Variants in NCAM1 observed in about 807,000 individuals in gnomAD.
NCAM1 encodes antigen recognized by monoclonal antibody 5.1H11.
A neutral mutation model predicts 109.8 loss-of-function variants in NCAM1; 14 were observed. The ratio of observed to expected loss-of-function variants is 0.13; its 90% CI spans 0.08 to 0.20. The LOEUF (loss-of-function observed/expected upper bound fraction) is 0.20, where lower values mean the gene tolerates loss of function less well. Among genes scored for constraint, NCAM1 ranks in the 10% least tolerant of loss-of-function variants. The pLI is 1.00. For missense variants in NCAM1, 774 were observed against 1,109.9 expected (o/e 0.70, Z 4.30); for synonymous variants, 418 against 442.9 (o/e 0.94, Z 0.70).
chr11:113,015,267 G>T (rs1952178979), intron 1 of NCAM1, among the ~76,000 whole-genome samples: 1 of 152,214 alleles, frequency 6.6e-6, no homozygotes, highest in African/African-American at 2.4e-5. Context: ...CCTGGTCCAG[G>T]TGGCAGTAGC....
intron 1 of NCAM1, among the ~76,000 whole-genome samples, chr11:113,023,788 A>G (rs1555076681): frequency 6.6e-6 from 1 of 152,180 alleles, no homozygotes; most frequent in Non-Finnish European, 1.5e-5. Flanking sequence ...ATAGGAGGAC[A>G]TTCTTTTAAA....
At chr11:113,123,150 G>A (rs561987707) in intron 1 of NCAM1, among the ~76,000 whole-genome samples, 1 of 152,174 alleles carries the variant, frequency 6.6e-6, no homozygotes, top group South Asian at 2.1e-4. Context: ...GTTAGTTTTG[G>A]GTAGCACAGT....
chr11:112,975,084 C>T (rs1555067448), intron 1 of NCAM1, among the ~76,000 whole-genome samples: 1 of 151,906 alleles, frequency 6.6e-6, no homozygotes, highest in African/African-American at 2.4e-5. Context: ...AAGGCAAAAA[C>T]CCGAACAGAG....
intron 3 of NCAM1, 116 bp from the exon 4 acceptor site, chr11:113,205,407 T>G: frequency 2.2e-6 from 3 of 1,346,004 alleles, no homozygotes; most frequent in Non-Finnish European, 3.0e-6. Flanking sequence ...CTTATACAAC[T>G]GTACATCAGG....
intron 1 of NCAM1, among the ~76,000 whole-genome samples, chr11:113,116,078 T>G (rs1940693373): frequency 6.6e-6 from 1 of 152,160 alleles, no homozygotes; most frequent in African/African-American, 2.4e-5. Context: ...CAGAAATAGA[T>G]TATGCAAAAA....
intron 1 of NCAM1, among the ~76,000 whole-genome samples, chr11:113,057,235 G>C (rs2574829): frequency 0.53 from 80,581 of 151,860 alleles, 22,139 homozygotes; most frequent in Middle Eastern, 0.58. Flanking sequence ...AACCAGGTGA[G>C]GTGTGAGAGG....
intron 17 of NCAM1, chr11:113,264,307 C>A (rs1946087964): frequency 1.0e-6 from 1 of 985,244 alleles, no homozygotes; most frequent in African/African-American, 1.7e-5. Flanking sequence ...CCAAATGATC[C>A]CATGCTGTGG....
intron 1 of NCAM1, among the ~76,000 whole-genome samples, chr11:112,978,854 T>C (rs1317007588): frequency 6.6e-6 from 1 of 151,878 alleles, no homozygotes; most frequent in Non-Finnish European, 1.5e-5. Context: ...ACAAAGCTTA[T>C]TGTTTTAAAT....
At chr11:113,185,079 T>TATATATATATAGAGAGAGAGAGAGAGAG in intron 1 of NCAM1, among the ~76,000 whole-genome samples, 8 of 125,756 alleles carry the variant, frequency 6.4e-5, no homozygotes, top group Admixed American at 4.7e-4. Context: ...TATATATATA[T>TATATATATATAGAGAGAGAGAGAGAGAG]AGAGAGAGAG....
rs2134412232 is a variant in NCAM1 at position 112,962,391 on chromosome 11, G to A, written c.52+727G>A. On this transcript the variant is annotated intron_variant, in intron 1 of 19. Transcript: ENST00000316851. This position sits in a 1 kb window ranked among gnomAD's most constrained non-coding sequence, Gnocchi z 5.6. The stretch of plus-strand genomic sequence containing the variant: ...GAGCGCCGCGTTTTGACAGGAGGAA[G>A]TGCGGAGGGGCGGAGGGCGAGGAGG... 2.0e-5 allele frequency among the ~76,000 whole-genome samples: 3 copies of A among 152,270 alleles called. No homozygotes were observed. The Middle Eastern group carries it at 0.01, about 518-fold the overall frequency.
intron 1 of NCAM1, among the ~76,000 whole-genome samples, chr11:113,020,305 G>A (rs1335863878): frequency 1.3e-5 from 2 of 152,142 alleles, no homozygotes; most frequent in African/African-American, 4.8e-5. Flanking sequence ...GGCTGGGTGA[G>A]GGTGCTGGGT....
intron 17 of NCAM1, among the ~76,000 whole-genome samples, chr11:113,262,125 T>C (rs1044321668): frequency 6.6e-6 from 1 of 152,204 alleles, no homozygotes; most frequent in Non-Finnish European, 1.5e-5. Context: ...ATAAAACCTC[T>C]CTGAATTACA....
intron 1 of NCAM1, among the ~76,000 whole-genome samples, chr11:113,121,172 T>C (rs1243013699): frequency 4.0e-5 from 6 of 150,492 alleles, no homozygotes; most frequent in Non-Finnish European, 8.8e-5. Flanking sequence ...TAGTTCAGCA[T>C]GTTAAAGTGC....
At chr11:113,235,186 C>A (rs1413932380) in intron 14 of NCAM1, 22 bp downstream of exon 14, 1 of 1,613,820 alleles carries the variant, frequency 6.2e-7, no homozygotes, top group Non-Finnish European at 8.5e-7. Flanking sequence ...CAGCTGCCCC[C>A]CTTTTCCCAG....
chr11:113,110,207 AT>A (rs35220749), intron 1 of NCAM1, among the ~76,000 whole-genome samples: 33,213 of 152,076 alleles, frequency 0.22, 3,826 homozygotes, highest in East Asian at 0.48. Flanking sequence ...TAGATGTTCT[AT>A]TTTAATCAAA....
At chr11:113,019,355 A>T (rs1374865362) in intron 1 of NCAM1, among the ~76,000 whole-genome samples, 2 of 152,196 alleles carry the variant, frequency 1.3e-5, no homozygotes, top group African/African-American at 4.8e-5. Context: ...CTTTACCTTC[A>T]ATAGCCTTCC....
At chr11:113,097,003 C>G (rs1939628700) in intron 1 of NCAM1, among the ~76,000 whole-genome samples, 2 of 152,178 alleles carry the variant, frequency 1.3e-5, no homozygotes, top group South Asian at 4.1e-4. Context: ...TTGAACCCCC[C>G]CTGCCCTGTG....
chr11:113,020,825 G>A (rs1419074884), intron 1 of NCAM1, among the ~76,000 whole-genome samples: 1 of 151,912 alleles, frequency 6.6e-6, no homozygotes, highest in Non-Finnish European at 1.5e-5. Context: ...GCGTGATTTC[G>A]GCTCACTGCA....
At chr11:113,219,368 G>A (rs577233403) in intron 8 of NCAM1, among the ~76,000 whole-genome samples, 8 of 152,186 alleles carry the variant, frequency 5.3e-5, no homozygotes, top group East Asian at 1.9e-4. Context: ...TTTATCCAGC[G>A]TGTGGGCACA....
Sources: gnomAD v4.1 joint callset for allele counts (sites outside exome capture counted in the v4.1 genomes callset) on GRCh38, gnomAD v4.1.1 for gene constraint, Gnocchi (gnomAD v3.1) non-coding constraint, MANE v1.5 for transcripts, NCBI Gene and HGNC (gene_info 2026-07-23, HGNC 2026-07-21) for gene names.